TIAM1: variants seen among roughly 807,000 people sequenced by gnomAD.
TIAM1 encodes TIAM Rac1 associated GEF 1.
A neutral mutation model predicts 163.5 loss-of-function variants in TIAM1; 65 were observed. That is an observed-to-expected ratio of 0.40 (90% confidence interval 0.33 to 0.49). The LOEUF is 0.49. Among genes scored for constraint, TIAM1 ranks in the 20% least tolerant of loss-of-function variants. The pLI, the probability that TIAM1 is intolerant of heterozygous loss-of-function variation, is 0.77. For synonymous variants in TIAM1, 833 were observed against 810.1 expected (o/e 1.03, Z -0.48); for missense variants, 1,789 against 2,044.7 (o/e 0.87, Z 2.41).
chr21:31,426,282 T>C (rs2043793702), intron 2 of TIAM1, among the ~76,000 whole-genome samples: 1 of 152,116 alleles, frequency 6.6e-6, no homozygotes, highest in Non-Finnish European at 1.5e-5. Context: ...TGAAACTACA[T>C]CACATTCCTT....
chr21:31,200,097 C>A (rs2086116313), intron 12 of TIAM1, among the ~76,000 whole-genome samples: 1 of 152,046 alleles, frequency 6.6e-6, no homozygotes. Flanking sequence ...CAGGTTCCAC[C>A]AGAAGCAGAA....
intron 26 of TIAM1, among the ~76,000 whole-genome samples, chr21:31,124,936 C>T (rs1292142729): frequency 5.9e-5 from 9 of 152,168 alleles, no homozygotes; most frequent in Admixed American, 2.0e-4. Flanking sequence ...AGCCCATTAA[C>T]GAACAGATCT....
intron 1 of TIAM1, among the ~76,000 whole-genome samples, chr21:31,546,464 C>T (rs534906629): frequency 4.6e-5 from 7 of 151,924 alleles, no homozygotes; most frequent in Non-Finnish European, 1.0e-4. Flanking sequence ...GAAGGAGAAT[C>T]GCTTGAAACC....
rs1289064162 is a variant in TIAM1, at chr21:31,266,091, A to G, written c.882T>C (p.Ser294=). The part of the protein sequence containing the change: ...SNYNTLPCRK[S]HCLSEGATNP... ...TGGTGGCACCTTCAGAGAGACAGTG[A>G]GATTTCCTACAGGGAAGTGTGTTAT... Residue 294 remains serine, a synonymous_variant, in exon 4 of 28, where the codon TCT becomes TCC. Coordinates refer to ENST00000541036, the MANE Select transcript of TIAM1 (RefSeq NM_001353694.2). 7.4e-6 allele frequency: 12 copies of G among 1,614,114 alleles called. No homozygotes were observed. The highest frequency in any genetic ancestry group is 1.0e-5 in the Non-Finnish European group (12 of 1,180,052).
At chr21:31,333,535 T>C (rs2075746350) in intron 2 of TIAM1, among the ~76,000 whole-genome samples, 1 of 152,158 alleles carries the variant, frequency 6.6e-6, no homozygotes, top group Admixed American at 6.5e-5. Flanking sequence ...CCTTCTGGGC[T>C]CAAGCAATCC....
In TIAM1 at chr21:31,403,427, G is replaced by A. The variant is rs183999473; in HGVS notation, c.-369+60556C>T. ...CTCCCAAAGTGCTGGGATTACAGGC[G>A]TGAGCCACTGCTCCCGGCCGATGAC... On this transcript the variant is annotated intron_variant, in intron 2 of 28. Coordinates refer to the TIAM1 transcript ENST00000286827. Among the ~76,000 whole-genome samples the A allele has an allele frequency of 1.5e-3, 234 of 152,272 alleles. 2 individuals are homozygous for A. The highest frequency in any genetic ancestry group is 4.9e-3 in the African/African-American group (204 of 41,554).
chr21:31,172,553 C>T (rs1464379485), intron 15 of TIAM1, among the ~76,000 whole-genome samples: 1 of 152,062 alleles, frequency 6.6e-6, no homozygotes, highest in Non-Finnish European at 1.5e-5. Context: ...AGCAGGATGC[C>T]CATCCACATC....
chr21:31,401,140 T>C (rs557457480), intron 2 of TIAM1, among the ~76,000 whole-genome samples: 1 of 152,172 alleles, frequency 6.6e-6, no homozygotes, highest in Non-Finnish European at 1.5e-5. Flanking sequence ...AAGTCGAAGT[T>C]AGGAACTCAA....
chr21:31,378,117 C>G (rs969448252), intron 2 of TIAM1, among the ~76,000 whole-genome samples: 9 of 93,358 alleles, frequency 9.6e-5, no homozygotes, highest in African/African-American at 3.9e-4. Flanking sequence ...GCCTGGGTAA[C>G]AAGAGCGAAA....
chr21:31,231,564 G>A (rs1312647655), intron 6 of TIAM1, among the ~76,000 whole-genome samples: 4 of 152,152 alleles, frequency 2.6e-5, no homozygotes, highest in Admixed American at 6.6e-5. Context: ...GAAGGAAGCT[G>A]ACCAAAGTTA....
At chr21:31,321,334 C>CTGTTTGTTTGTTTGTT (rs112634900) in intron 2 of TIAM1, among the ~76,000 whole-genome samples, 22 of 150,500 alleles carry the variant, frequency 1.5e-4, no homozygotes, top group African/African-American at 5.1e-4. Context: ...CCATGCTCTA[C>CTGTTTGTTTGTTTGTT]TGTTTGTTTG....
At position 31,452,963 on chromosome 21, in the gene TIAM1, G is replaced by C. The variant is rs1004368362; in HGVS notation, c.-369+11020C>G. On this transcript the variant is annotated intron_variant, in intron 2 of 28. Coordinates refer to the TIAM1 transcript ENST00000286827. The stretch of plus-strand genomic sequence containing the variant: ...ATGCGTTCTACAAAGGTGAACTCAG[G>C]CTGAATGGGGAAAAGTTATGGAAGA... 4 of 512,604 alleles carry C rather than the reference G, an allele frequency of 7.8e-6. No homozygotes were observed. The Admixed American group carries it at 8.4e-5, about 11-fold the overall frequency. 31.8% of individuals were successfully genotyped at this position (512,604 alleles called of 1,614,324 possible). A position where few individuals can be genotyped will look rare whatever the true frequency, so the allele number is the denominator to read the frequency against.
At chr21:31,343,983 G>C (rs920033093) in intron 1 of TIAM1, among the ~76,000 whole-genome samples, 155 bp downstream of exon 1, 2 of 152,326 alleles carry the variant, frequency 1.3e-5, no homozygotes, top group South Asian at 4.1e-4. Context: ...TTCTGGGAAG[G>C]GGCACGGGAC....
At chr21:31,451,758 T>TGA (rs746602186) in intron 2 of TIAM1, among the ~76,000 whole-genome samples, 6,200 of 111,460 alleles carry the variant, frequency 0.056, 230 homozygotes, top group Middle Eastern at 0.08. Context: ...TGTGTGTGTG[T>TGA]GTGAGACACA....
At chr21:31,232,418 T>G (rs1178936069) in intron 6 of TIAM1, among the ~76,000 whole-genome samples, 2 of 152,156 alleles carry the variant, frequency 1.3e-5, no homozygotes, top group East Asian at 3.9e-4. Flanking sequence ...AGAAGGACAA[T>G]TCAATAAATG....
At chr21:31,181,192 C>T (rs116594292) in intron 15 of TIAM1, among the ~76,000 whole-genome samples, 1,978 of 152,302 alleles carry the variant, frequency 0.013, 51 homozygotes, top group African/African-American at 0.045. Flanking sequence ...TGTTCCATCA[C>T]TCACTCACTC....
chr21:31,477,131 A>T (rs1190424336), intron 1 of TIAM1, among the ~76,000 whole-genome samples: 1 of 152,178 alleles, frequency 6.6e-6, no homozygotes, highest in Non-Finnish European at 1.5e-5. Flanking sequence ...AACTGGGGGA[A>T]ATTGCCCTTT....
chr21:31,188,062 G>C (rs1175183877), intron 13 of TIAM1, among the ~76,000 whole-genome samples: 2 of 151,964 alleles, frequency 1.3e-5, no homozygotes, highest in Non-Finnish European at 2.9e-5. Context: ...AAACAAGCAG[G>C]CAAATAGCAA....
chr21:31,141,433 C>T lies in TIAM1; in HGVS notation c.3547G>A (p.Glu1183Lys). ...TGGATGGGCTTGATGAGGTACGACTCCAGCGTGGATGAGTGCTGCTGCTTC... is the reference window on the plus strand; with the variant it reads ...TGGATGGGCTTGATGAGGTACGACTTCAGCGTGGATGAGTGCTGCTGCTTC... ...NPKQQHSSTL[E>K]SYLIKPIQRI... Residue 1183 changes from glutamate (E) to lysine (K), a missense_variant, in exon 21 of 28, where the codon GAG (glutamate) becomes AAG (lysine). Physicochemically the swap from Glu to Lys is moderately conservative, Grantham distance 56. Coordinates refer to ENST00000541036, the MANE Select transcript of TIAM1 (RefSeq NM_001353694.2). This position sits in a 1 kb window ranked among gnomAD's most constrained non-coding sequence, Gnocchi z 4.7. The T allele has an allele frequency of 6.2e-7, 1 of 1,614,212 alleles. No homozygotes were observed. The highest frequency in any genetic ancestry group is 8.5e-7 in the Non-Finnish European group (1 of 1,180,046).
Sources: allele counts gnomAD v4.1 joint callset (sites outside exome capture counted in the v4.1 genomes callset), GRCh38; gene constraint gnomAD v4.1.1; non-coding constraint Gnocchi (gnomAD v3.1); transcripts MANE v1.5; gene names NCBI Gene and HGNC (gene_info 2026-07-23, HGNC 2026-07-21).